Variants in CAPG observed in about 807,000 individuals in gnomAD.
CAPG encodes the protein capping actin protein, gelsolin like.
A neutral mutation model predicts 44.6 loss-of-function variants in CAPG; 32 were observed. That is an observed-to-expected ratio of 0.72 (90% CI 0.54 to 0.96). The LOEUF is 0.96. CAPG is among the 50% of genes least tolerant of loss of function. The pLI, the probability that CAPG is intolerant of heterozygous loss-of-function variation, is 0.00. For missense variants in CAPG, 412 were observed against 438.3 expected, an observed-to-expected ratio of 0.94 and a Z score of 0.54; for synonymous variants, 175 against 179.6, an observed-to-expected ratio of 0.97 and a Z score of 0.20.
chr2:85,399,349 G>A (rs1686769371), intron 5 of CAPG, 64 bp from the exon 6 acceptor site: 1 of 1,554,824 alleles, frequency 6.4e-7, no homozygotes, highest in Non-Finnish European at 8.8e-7. Flanking sequence ...CCAGCTCAGA[G>A]AAGGGCGCAC....
chr2:85,411,049 C>T (rs547288704), upstream of CAPG, among the ~76,000 whole-genome samples: 10 of 152,044 alleles, frequency 6.6e-5, no homozygotes, highest in Admixed American at 4.6e-4. Context: ...TTTCTGGAGA[C>T]AGAGTCTTGC....
At chr2:85,394,705 C>T, downstream of CAPG, 1 of 649,210 alleles carries the variant, frequency 1.5e-6, no homozygotes, top group East Asian at 2.7e-5. Flanking sequence ...TGGGGATGAA[C>T]CCAGGTGAAT....
rs763111976 is a variant in CAPG at position 85,395,458 on chromosome 2, C to T, written c.981+80G>A. On this transcript the variant is annotated intron_variant, in intron 9 of 9. Transcript: ENST00000263867. The surrounding 1 kb of genome is among the most constrained non-coding windows in gnomAD (Gnocchi z 4.3). ...CCTGACAGTGCCCAAGGCTCTCCTG[C>T]CCTTCCTGGCCAATTTGAGGGGTCA... 43 of 1,165,286 alleles carry T rather than the reference C, an allele frequency of 3.7e-5. No homozygotes were observed. Among genetic ancestry groups the T allele is most frequent in the Admixed American group, 7.6e-5 (4 of 52,586 alleles). 72.2% of individuals were successfully genotyped at this position (1,165,286 alleles called of 1,614,324 possible).
chr2:85,396,561 G>A (rs569211555), intron 8 of CAPG, among the ~76,000 whole-genome samples: 10 of 152,140 alleles, frequency 6.6e-5, no homozygotes, highest in Non-Finnish European at 1.3e-4. Flanking sequence ...CCCTACCCAT[G>A]AGATCCTTCT....
At chr2:85,411,577 T>C (rs928194401), upstream of CAPG, among the ~76,000 whole-genome samples, 1 of 152,204 alleles carries the variant, frequency 6.6e-6, no homozygotes, top group Non-Finnish European at 1.5e-5. Context: ...ACAAGCGTAG[T>C]TCCTCTGCCC....
At chr2:85,411,309 G>A (rs1687402604), upstream of CAPG, among the ~76,000 whole-genome samples, 2 of 152,216 alleles carry the variant, frequency 1.3e-5, no homozygotes, top group African/African-American at 2.4e-5. Flanking sequence ...CCCTCTGAGA[G>A]ACAGCCCATC....
intron 1 of CAPG, among the ~76,000 whole-genome samples, chr2:85,416,778 T>C (rs1252138465): frequency 1.3e-5 from 2 of 152,160 alleles, no homozygotes; most frequent in East Asian, 3.9e-4. Flanking sequence ...CCTCCCAAAG[T>C]GTTGGGATTA....
chr2:85,402,412 C>T (rs1686947864), intron 1 of CAPG, among the ~76,000 whole-genome samples: 1 of 152,146 alleles, frequency 6.6e-6, no homozygotes, highest in Non-Finnish European at 1.5e-5. Context: ...GCTGAGATCT[C>T]ACAGAAATTA....
intron 1 of CAPG, among the ~76,000 whole-genome samples, chr2:85,403,237 C>T (rs1573183133): frequency 1.3e-5 from 2 of 152,078 alleles, no homozygotes; most frequent in Admixed American, 1.3e-4. Context: ...CCAATATATT[C>T]AACCACTTAT....
chr2:85,410,857 T>C (rs893296547), upstream of CAPG, among the ~76,000 whole-genome samples: 4 of 133,874 alleles, frequency 3.0e-5, no homozygotes, highest in African/African-American at 8.5e-5. Flanking sequence ...AGTTTTTTGG[T>C]TTTTTTTGTT....
At chr2:85,398,613 C>G in intron 7 of CAPG, 77 bp downstream of exon 7, 1 of 1,231,776 alleles carries the variant, frequency 8.1e-7, no homozygotes, top group Non-Finnish European at 1.2e-6. Context: ...CCCCTCCACC[C>G]TGCTTGCATG....
At chr2:85,396,654 C>A (rs1686613572) in intron 8 of CAPG, among the ~76,000 whole-genome samples, 1 of 152,142 alleles carries the variant, frequency 6.6e-6, no homozygotes, top group Non-Finnish European at 1.5e-5. Flanking sequence ...TTTATACATG[C>A]TTCTGTGGGC....
chr2:85,398,609 C>T, intron 7 of CAPG, 81 bp downstream of exon 7: 1 of 1,188,422 alleles, frequency 8.4e-7, no homozygotes. Context: ...TTCTCCCCTC[C>T]ACCCTGCTTG....
chr2:85,416,606 C>T (rs535392849), intron 1 of CAPG, among the ~76,000 whole-genome samples: 3 of 152,274 alleles, frequency 2.0e-5, no homozygotes, highest in Non-Finnish European at 2.9e-5. Context: ...TCCCCCCCGC[C>T]GGTTCAAGTG....
downstream of CAPG, among the ~76,000 whole-genome samples, chr2:85,393,760 T>C (rs915028712): frequency 1.5e-4 from 23 of 152,046 alleles, no homozygotes; most frequent in African/African-American, 5.6e-4. Flanking sequence ...GAGAAAGGGT[T>C]TCCATGTTGG....
intron 5 of CAPG, among the ~76,000 whole-genome samples, chr2:85,400,445 G>A (rs1306596613): frequency 6.6e-6 from 1 of 151,936 alleles, no homozygotes; most frequent in Non-Finnish European, 1.5e-5. Flanking sequence ...GCCACAAGAC[G>A]CAGCCCATAC....
At chr2:85,411,392 G>A (rs1007979785), upstream of CAPG, among the ~76,000 whole-genome samples, 6 of 152,260 alleles carry the variant, frequency 3.9e-5, no homozygotes, top group East Asian at 1.2e-3. Flanking sequence ...CCTCCAACTC[G>A]CTGGCTTTCT....
chr2:85,400,819 C>G (rs1186880027), intron 5 of CAPG, among the ~76,000 whole-genome samples: 1 of 152,152 alleles, frequency 6.6e-6, no homozygotes, highest in Non-Finnish European at 1.5e-5. Context: ...GCTGCCTCCC[C>G]AGAGCGAGCT....
chr2:85,396,061 A>C, intron 8 of CAPG: 1 of 167,038 alleles, frequency 6.0e-6, no homozygotes, highest in East Asian at 1.6e-4. Flanking sequence ...TACTCCCATA[A>C]TGCCAGCAGG....
Sources: allele counts gnomAD v4.1 joint callset (sites outside exome capture counted in the v4.1 genomes callset), GRCh38; gene constraint gnomAD v4.1.1; non-coding constraint Gnocchi (gnomAD v3.1); transcripts MANE v1.5; gene names NCBI Gene and HGNC (gene_info 2026-07-23, HGNC 2026-07-21).